Variants in MAP2 observed in about 807,000 individuals in gnomAD.
MAP2 encodes the protein microtubule-associated protein 2.
A neutral mutation model predicts 137.6 loss-of-function variants in MAP2; 14 were observed. The observed-to-expected ratio is 0.10, with a 90% CI of 0.07 to 0.16. MAP2 has a LOEUF of 0.16. MAP2 is among the 10% of genes least tolerant of loss of function. MAP2 has a pLI of 1.00. For missense variants in MAP2, 2,088 were observed against 2,191.5 expected (o/e 0.95, Z 0.94); for synonymous variants, 786 against 782.3 (o/e 1.00, Z -0.08).
At chr2:209,668,918 TC>T (rs2047520229) in intron 5 of MAP2, among the ~76,000 whole-genome samples, 1 of 151,942 alleles carries the variant, frequency 6.6e-6, no homozygotes. Context: ...TCACTGTACT[TC>T]CCCCCATAAG....
chr2:209,669,192 G>A (rs1375588433), intron 5 of MAP2, among the ~76,000 whole-genome samples: 1 of 152,092 alleles, frequency 6.6e-6, no homozygotes, highest in African/African-American at 2.4e-5. Context: ...GATGATTGCT[G>A]CTATTTGCGA....
At chr2:209,700,638 T>C (rs981722778) in intron 11 of MAP2, among the ~76,000 whole-genome samples, 1 of 152,292 alleles carries the variant, frequency 6.6e-6, no homozygotes, top group Admixed American at 6.5e-5. Context: ...TTACTTTTCA[T>C]AGAATCAAAT....
At position 209,560,365 on chromosome 2, in the gene MAP2, A is replaced by T. The variant is rs150708729; in HGVS notation, c.-171-19671A>T. On this transcript the variant is annotated intron_variant, in intron 2 of 15. Coordinates refer to ENST00000682079, the MANE Select transcript of MAP2 (RefSeq NM_001375505.1). ...TTTAGTAGGTCTGAAAGAACAGTGT[A>T]ATTTAGGGAATATAAGATTTTTTAA... Among the ~76,000 whole-genome samples the T allele has an allele frequency of 4.0e-3, 611 of 152,320 alleles. 5 individuals carry two copies. The highest frequency in any genetic ancestry group is 0.014 in the African/African-American group (576 of 41,570).
At chr2:209,691,813 G>A (rs903059074) in intron 7 of MAP2, among the ~76,000 whole-genome samples, 4 of 152,166 alleles carry the variant, frequency 2.6e-5, no homozygotes, top group African/African-American at 9.7e-5. Flanking sequence ...CTTTTGAAAA[G>A]TTTGTTACTC....
At chr2:209,690,801 T>TC (rs1364989438) in intron 7 of MAP2, 2 of 1,289,156 alleles carry the variant, frequency 1.6e-6, no homozygotes, top group African/African-American at 3.0e-5. Flanking sequence ...GTAAAAGAGG[T>TC]CAAGGAGGTG....
At chr2:209,678,996 T>A (rs2053260141) in intron 6 of MAP2, among the ~76,000 whole-genome samples, 3 of 152,124 alleles carry the variant, frequency 2.0e-5, no homozygotes, top group Admixed American at 2.0e-4. Context: ...CCTTATTTCA[T>A]GACCTCCACC....
chr2:209,495,183 A>C (rs1281621974), intron 1 of MAP2, among the ~76,000 whole-genome samples: 3 of 152,236 alleles, frequency 2.0e-5, no homozygotes, highest in African/African-American at 7.2e-5. Flanking sequence ...CAGCAGCCCT[A>C]GTCAGGGGCT....
chr2:209,581,294 G>A (rs2153400550), intron 3 of MAP2, among the ~76,000 whole-genome samples: 1 of 152,272 alleles, frequency 6.6e-6, no homozygotes, highest in Non-Finnish European at 1.5e-5. Flanking sequence ...ACTGTCCTCA[G>A]CCTTCTAGAG....
chr2:209,695,236 G>T lies in MAP2; in HGVS notation c.3066G>T (p.Val1022=), dbSNP rs2239672. The part of the protein sequence containing the change: ...SEKAEKGLSS[V]PEIAEVEPSK... The stretch of plus-strand genomic sequence containing the variant: ...AAGCAGAGAAGGGTCTTAGTTCAGT[G>T]CCAGAGATAGCTGAGGTAGAACCAT... The change falls in exon 8 of 16, where the codon GTG becomes GTT. Residue 1022 remains valine, a synonymous_variant. Coordinates refer to ENST00000682079, the MANE Select transcript of MAP2 (RefSeq NM_001375505.1). The T allele has an allele frequency of 0.078, 126,641 of 1,613,892 alleles. 6,370 individuals carry two copies. Among genetic ancestry groups the T allele is most frequent in the East Asian group, 0.23 (10,213 of 44,856 alleles).
At chr2:209,543,166 A>G (rs747470794) in intron 2 of MAP2, among the ~76,000 whole-genome samples, 51 of 152,214 alleles carry the variant, frequency 3.4e-4, no homozygotes, top group Non-Finnish European at 7.3e-5. Context: ...ATCTCAGGGA[A>G]TAGGGAAACC....
At chr2:209,488,426 A>C (rs1400167371) in intron 1 of MAP2, among the ~76,000 whole-genome samples, 1 of 152,056 alleles carries the variant, frequency 6.6e-6, no homozygotes, top group Non-Finnish European at 1.5e-5. Flanking sequence ...CTGGAAGGCC[A>C]GTGAGACAGA....
intron 2 of MAP2, among the ~76,000 whole-genome samples, chr2:209,523,970 G>A (rs2150433432): frequency 6.6e-6 from 1 of 152,124 alleles, no homozygotes; most frequent in African/African-American, 2.4e-5. Context: ...TACATTGTTT[G>A]CCTGCTCACT....
At chr2:209,509,094 T>C (rs1346471928) in intron 2 of MAP2, among the ~76,000 whole-genome samples, 1 of 151,990 alleles carries the variant, frequency 6.6e-6, no homozygotes, top group Non-Finnish European at 1.5e-5. Flanking sequence ...TTTTCCTTTC[T>C]CTTCTTTAAT....
intron 5 of MAP2, among the ~76,000 whole-genome samples, chr2:209,671,291 T>C (rs1039972308): frequency 1.3e-5 from 2 of 152,082 alleles, no homozygotes; most frequent in Admixed American, 1.3e-4. Context: ...CCCAACAATT[T>C]GCTCTTTTAA....
At chr2:209,692,505 A>G (rs2059201411) in intron 7 of MAP2, 120 bp from the exon 8 acceptor site, 2 of 1,071,290 alleles carry the variant, frequency 1.9e-6, no homozygotes, top group South Asian at 1.7e-5. Context: ...GCATGCTTGC[A>G]TGTTCCATAA....
chr2:209,685,191 A>C (rs892296586), intron 7 of MAP2, among the ~76,000 whole-genome samples: 23 of 152,210 alleles, frequency 1.5e-4, no homozygotes, highest in African/African-American at 5.3e-4. Flanking sequence ...GCTGTTTCTT[A>C]TCAAGGTTCT....
chr2:209,598,627 G>A (rs2082080856), intron 3 of MAP2, among the ~76,000 whole-genome samples: 1 of 140,740 alleles, frequency 7.1e-6, no homozygotes, highest in Non-Finnish European at 1.5e-5. Flanking sequence ...TCCCCAGAGT[G>A]TGATGTTCCC....
At chr2:209,690,751 C>T (rs961459347) in intron 7 of MAP2, 91 of 1,289,630 alleles carry the variant, frequency 7.1e-5, no homozygotes, top group East Asian at 1.1e-4. Flanking sequence ...AAATAGTTCC[C>T]GAAGAGAGTG....
chr2:209,698,132 GC>G (rs1323735272), intron 10 of MAP2, among the ~76,000 whole-genome samples: 1 of 152,078 alleles, frequency 6.6e-6, no homozygotes, highest in East Asian at 1.9e-4. Flanking sequence ...ACAGGCATGA[GC>G]CACTGCACCC....
Sources: gnomAD v4.1 joint callset for allele counts (sites outside exome capture counted in the v4.1 genomes callset) on GRCh38, gnomAD v4.1.1 for gene constraint, MANE v1.5 for transcripts, NCBI Gene and HGNC (gene_info 2026-07-23, HGNC 2026-07-21) for gene names.